KIAA1549L: variants seen among roughly 807,000 people sequenced by gnomAD.
KIAA1549L encodes the protein KIAA1549 like, also known as UPF0606 protein KIAA1549L.
KIAA1549L carries 88 observed loss-of-function variants against 160.7 expected under a neutral mutation model. The ratio of observed to expected loss-of-function variants is 0.55; its 90% CI spans 0.46 to 0.65. KIAA1549L has a LOEUF of 0.65. Ranked by LOEUF, KIAA1549L falls within the 30% of genes least tolerant of loss-of-function variation. The pLI, the probability that KIAA1549L is intolerant of heterozygous loss-of-function variation, is 0.00. For synonymous variants in KIAA1549L, 950 were observed against 976.7 expected, an observed-to-expected ratio of 0.97 and a Z score of 0.51; for missense variants, 2,258 against 2,437.5, an observed-to-expected ratio of 0.93 and a Z score of 1.55.
chr11:33,378,054 A>G (rs1346683422), intron 1 of KIAA1549L, among the ~76,000 whole-genome samples: 6 of 152,174 alleles, frequency 3.9e-5, no homozygotes, highest in Non-Finnish European at 2.9e-5. Flanking sequence ...ACCTCTGACG[A>G]ATTTTAGCCC....
intron 6 of KIAA1549L, among the ~76,000 whole-genome samples, chr11:33,558,839 CTT>C (rs567011766): frequency 1.3e-4 from 18 of 140,492 alleles, no homozygotes; most frequent in Admixed American, 2.1e-4. Context: ...TTTTTCTTTT[CTT>C]TTTTTTTTTT....
chr11:33,502,249 G>T (rs1238736616), intron 1 of KIAA1549L, among the ~76,000 whole-genome samples: 2 of 152,178 alleles, frequency 1.3e-5, no homozygotes, highest in African/African-American at 4.8e-5. Flanking sequence ...CATCACTCAT[G>T]AGAAGTCAGC....
At chr11:33,448,659 CG>C (rs1851663848) in intron 1 of KIAA1549L, among the ~76,000 whole-genome samples, 1 of 152,152 alleles carries the variant, frequency 6.6e-6, no homozygotes, top group Non-Finnish European at 1.5e-5. Flanking sequence ...TTCCTCAGTG[CG>C]GGAACGCTGG....
At chr11:33,657,045 C>T (rs1852089685) in intron 18 of KIAA1549L, among the ~76,000 whole-genome samples, 1 of 152,134 alleles carries the variant, frequency 6.6e-6, no homozygotes, top group Admixed American at 6.5e-5. Flanking sequence ...CTCAGAATTG[C>T]TTATCGAGCA....
At chr11:33,449,882 C>T (rs1000047291) in intron 1 of KIAA1549L, among the ~76,000 whole-genome samples, 20 of 152,262 alleles carry the variant, frequency 1.3e-4, no homozygotes, top group African/African-American at 4.3e-4. Flanking sequence ...ACCAGCTCAC[C>T]GATTTTTAAC....
At chr11:33,664,427 G>A (rs1391336548) in intron 20 of KIAA1549L, among the ~76,000 whole-genome samples, 5 of 152,208 alleles carry the variant, frequency 3.3e-5, no homozygotes, top group South Asian at 4.1e-4. Flanking sequence ...AGGGAGGAGA[G>A]GGGGCTGCTT....
Position 33,669,241 on chromosome 11 carries a change from G to T in KIAA1549L, c.*1087G>T, listed in dbSNP as rs959461890. 4 of 152,212 alleles carry T rather than the reference G, an allele frequency of 2.6e-5. No individual in the cohort carries two copies. The highest frequency in any genetic ancestry group is 5.9e-5 in the Non-Finnish European group (4 of 68,036). 9.4% of individuals were successfully genotyped at this position (152,212 alleles called of 1,614,324 possible). A position where few individuals can be genotyped will look rare whatever the true frequency, so the allele number is the denominator to read the frequency against. On this transcript the variant is annotated 3_prime_UTR_variant, in exon 21 of 21. Coordinates refer to ENST00000658780, the MANE Select transcript of KIAA1549L (RefSeq NM_012194.3). ...AAATGTAAATAACCTTTTAAAAAGC[G>T]TATGGAGTTAGCCAGTTCCCCCTAG... is the stretch of plus-strand genomic sequence containing the variant.
At position 33,658,831 on chromosome 11, in the gene KIAA1549L, C is replaced by G; in HGVS notation, c.5940C>G (p.Ser1980=). 2 of 1,564,490 alleles carry G rather than the reference C, an allele frequency of 1.3e-6. No individual in the cohort carries two copies. Among genetic ancestry groups the G allele is most frequent in the East Asian group, 2.4e-5 (1 of 41,474 alleles). Residue 1980 remains serine (S), a synonymous_variant, in exon 19 of 21, where the codon TCC becomes TCG. Coordinates refer to ENST00000658780, the MANE Select transcript of KIAA1549L (RefSeq NM_012194.3). The part of the protein sequence containing the change: ...PEPAQLHDSA[S]FTQMSRGPVS... ...CGGCCCAGCTGCACGACAGCGCCTC[C>G]TTCACGCAGATGTCCAGAGGCCCTG... is the stretch of plus-strand genomic sequence containing the variant.
intron 4 of KIAA1549L, among the ~76,000 whole-genome samples, chr11:33,549,289 C>G (rs962080329): frequency 2.0e-5 from 3 of 152,170 alleles, no homozygotes; most frequent in Admixed American, 2.0e-4. Flanking sequence ...GGAAACCAAA[C>G]AGCTTGTTAA....
chr11:33,428,276 T>A (rs1316742528), intron 1 of KIAA1549L, among the ~76,000 whole-genome samples: 1 of 152,222 alleles, frequency 6.6e-6, no homozygotes, highest in Non-Finnish European at 1.5e-5. Context: ...TATATTTCCT[T>A]ACCTCTTTGT....
chr11:33,550,759 A>G (rs555144236), intron 4 of KIAA1549L, among the ~76,000 whole-genome samples: 10 of 152,292 alleles, frequency 6.6e-5, no homozygotes, highest in Non-Finnish European at 1.3e-4. Context: ...GGTAATAATA[A>G]TTGATGGTCA....
chr11:33,591,304 C>G lies in KIAA1549L; in HGVS notation c.4634C>G (p.Pro1545Arg). 6.2e-7 allele frequency: 1 copy of G among 1,613,642 alleles called. No individual in the cohort carries two copies. The highest frequency in any genetic ancestry group is 8.5e-7 in the Non-Finnish European group (1 of 1,179,640). Reference protein sequence around the residue: ...GQQGADEEVIPVTQETVVLPL... With the variant: ...GQQGADEEVIRVTQETVVLPL... ...CAAGGGGCAGATGAGGAGGTCATCC[C>G]TGTGACTCAGGAGACAGTGGTTCTC... The change falls in exon 12 of 21, where the codon CCT becomes CGT. Residue 1545 changes from proline to arginine, a missense_variant. By Grantham distance (103) the Pro-to-Arg change is moderately radical (BLOSUM62 -2). This residue lies in a region of KIAA1549L where 1,359 missense variants were observed against 1,546.6 expected (regional missense o/e 0.88). Transcript: ENST00000658780.
intron 1 of KIAA1549L, among the ~76,000 whole-genome samples, chr11:33,448,082 TA>T (rs1851652172): frequency 6.6e-6 from 1 of 152,192 alleles, no homozygotes; most frequent in African/African-American, 2.4e-5. Flanking sequence ...TTATTATTTT[TA>T]AAAAATTTTA....
chr11:33,632,584 CTT>C (rs1396302643), intron 16 of KIAA1549L, among the ~76,000 whole-genome samples: 1 of 151,796 alleles, frequency 6.6e-6, no homozygotes, highest in Non-Finnish European at 1.5e-5. Flanking sequence ...TGTAGTTGGA[CTT>C]TTTTATTTAG....
intron 16 of KIAA1549L, among the ~76,000 whole-genome samples, chr11:33,631,213 G>T (rs1402631921): frequency 6.6e-6 from 1 of 152,324 alleles, no homozygotes; most frequent in East Asian, 1.9e-4. Flanking sequence ...ATAAAACTCA[G>T]ACTCTAAGCT....
intron 4 of KIAA1549L, among the ~76,000 whole-genome samples, chr11:33,548,838 C>T (rs1854355079): frequency 6.6e-6 from 1 of 152,108 alleles, no homozygotes; most frequent in Non-Finnish European, 1.5e-5. Flanking sequence ...GATGTTCTGT[C>T]CTACAGCTGC....
chr11:33,597,291 A>G (rs1286266546), intron 12 of KIAA1549L, among the ~76,000 whole-genome samples: 1 of 152,184 alleles, frequency 6.6e-6, no homozygotes, highest in East Asian at 1.9e-4. Flanking sequence ...GCCTTATCCC[A>G]TAGATATCCC....
intron 10 of KIAA1549L, among the ~76,000 whole-genome samples, chr11:33,578,221 G>T (rs1433681351): frequency 6.6e-6 from 1 of 152,170 alleles, no homozygotes; most frequent in Non-Finnish European, 1.5e-5. Flanking sequence ...ATCCTATCAG[G>T]TTAGACTCAT....
intron 7 of KIAA1549L, among the ~76,000 whole-genome samples, chr11:33,560,568 A>T (rs1854820843): frequency 6.6e-6 from 1 of 152,236 alleles, no homozygotes; most frequent in Non-Finnish European, 1.5e-5. Context: ...CAGTTACATT[A>T]TCCTCATTAC....
Sources: allele counts gnomAD v4.1 joint callset (sites outside exome capture counted in the v4.1 genomes callset), GRCh38; gene constraint gnomAD v4.1.1; regional missense constraint gnomAD v4.1.1; transcripts MANE v1.5; gene names NCBI Gene and HGNC (gene_info 2026-07-23, HGNC 2026-07-21).